ALOX12: variants seen among roughly 807,000 people sequenced by gnomAD.
ALOX12 encodes polyunsaturated fatty acid lipoxygenase ALOX12.
Under a neutral mutation model 85.5 loss-of-function variants are expected in ALOX12, and 62 were observed. That is an observed-to-expected ratio of 0.73 (90% confidence interval 0.59 to 0.90). The LOEUF is 0.90. ALOX12 is among the 40% of genes least tolerant of loss of function. The probability of loss-of-function intolerance (pLI) is 0.00; values close to 1 mark genes in which losing one functional copy is unlikely to be tolerated. For missense variants in ALOX12, 751 were observed against 856.5 expected, an observed-to-expected ratio of 0.88 and a Z score of 1.54; for synonymous variants, 299 against 332.7, an observed-to-expected ratio of 0.90 and a Z score of 1.10.
At chr17:7,001,488 A>T in intron 7 of ALOX12, 114 bp from the exon 8 acceptor site, 1 of 1,126,166 alleles carries the variant, frequency 8.9e-7, no homozygotes, top group Non-Finnish European at 1.3e-6. Context: ...TCCTCCTGCT[A>T]GACTATAACC....
intron 2 of ALOX12, among the ~76,000 whole-genome samples, chr17:6,998,041 T>TA (rs887889976): frequency 2.5e-4 from 36 of 143,638 alleles, no homozygotes; most frequent in East Asian, 1.6e-3. Flanking sequence ...AGATGAGGTT[T>TA]AAAAAAAAAA....
In ALOX12 at chr17:7,000,425, C is replaced by T. The variant is rs757266050; in HGVS notation, c.897C>T (p.Pro299=). ...IRGEKQYLAA[P]LVMLKMEPNG... ...GAGAGAAGCAATACCTGGCTGCCCC[C>T]CTCGTTATGCTGAAGATGGAGCCCA... is the stretch of plus-strand genomic sequence containing the variant. Residue 299 remains proline (P), a synonymous_variant, in exon 7 of 14, where the codon CCC becomes CCT. Coordinates refer to ENST00000251535, the MANE Select transcript of ALOX12 (RefSeq NM_000697.3). This position sits in a 1 kb window ranked among gnomAD's most constrained non-coding sequence, Gnocchi z 4.6. The T allele has an allele frequency of 6.2e-7, 1 of 1,614,116 alleles. No homozygotes were observed. The highest frequency in any genetic ancestry group is 2.2e-5 in the East Asian group (1 of 44,886).
Position 7,000,588 on chromosome 17 carries a change from G to C in ALOX12, c.951+109G>C. 1 of 1,308,668 alleles carries C rather than the reference G, an allele frequency of 7.6e-7. No individual in the cohort carries two copies. The highest frequency in any genetic ancestry group is 1.1e-6 in the Non-Finnish European group (1 of 938,370). The allele number at this position is 1,308,668 out of a possible 1,614,324, so 81.1% of individuals were successfully genotyped here. On this transcript the variant is annotated intron_variant, in intron 7 of 13. Transcript: ENST00000251535. The surrounding 1 kb of genome is among the most constrained non-coding windows in gnomAD (Gnocchi z 4.6). ...CTCCCAAACCCCATCCTCACTCAGT[G>C]AGACTTGTCTTCATGTCACTATTTG...
rs1199175277 is a variant in ALOX12, at chr17:7,004,063, TAAATTTTAATTTATTAAAATTA to T, written c.1162-1180_1162-1159del. Among the ~76,000 whole-genome samples, 257 of 40,056 alleles carry T rather than the reference TAAATTTTAATTTATTAAAATTA, an allele frequency of 6.4e-3. 1 individual carries two copies. Among genetic ancestry groups the T allele is most frequent in the Middle Eastern group, 0.022 (1 of 46 alleles). 26.3% of individuals were successfully genotyped at this position (40,056 alleles called of 152,430 possible). A position where few individuals can be genotyped will look rare whatever the true frequency, so the allele number is the denominator to read the frequency against. The stretch of plus-strand genomic sequence containing the variant: ...AAATATTTTAATATTTTTAATTTAA[TAAATTTTAATTTATTAAAATTA>T]AAATTTTAATTTAATATTAAATTAA... On this transcript the variant is annotated intron_variant, in intron 8 of 13. Transcript: ENST00000251535.
chr17:7,009,016 T>G (rs1909238129), intron 11 of ALOX12, among the ~76,000 whole-genome samples: 1 of 151,790 alleles, frequency 6.6e-6, no homozygotes, highest in Admixed American at 6.6e-5. Context: ...CCTCCCAAAG[T>G]GCTGGGATTA....
Position 7,006,411 on chromosome 17 carries a change from C to A in ALOX12, c.1419-75C>A, listed in dbSNP as rs1466167425. ...TCCCAGATACTGTGGAAGCATTGGGCAGATGCCACAGAAAGAGGAATAGAG... is the reference window on the plus strand; with the variant it reads ...TCCCAGATACTGTGGAAGCATTGGGAAGATGCCACAGAAAGAGGAATAGAG... On this transcript the variant is annotated intron_variant, in intron 10 of 13. Coordinates refer to ENST00000251535, the MANE Select transcript of ALOX12 (RefSeq NM_000697.3). The A allele has an allele frequency of 4.4e-6, 7 of 1,601,234 alleles. No individual in the cohort carries two copies. In the East Asian group the frequency reaches 1.3e-4, roughly 31 times the overall value.
rs770574244 is a variant in ALOX12, at chr17:6,998,958, T to C, written c.548T>C (p.Leu183Pro). The change falls in exon 5 of 14, where the codon CTG becomes CCG. Residue 183 changes from leucine (L) to proline (P), a missense_variant. By Grantham distance (98) the Leu-to-Pro change is moderately conservative. Coordinates refer to ENST00000251535, the MANE Select transcript of ALOX12 (RefSeq NM_000697.3). ...DFEWTLKAGA[L>P]EMALKRVYTL... is the part of the protein sequence containing the mutation. The stretch of plus-strand genomic sequence containing the variant: ...AGCCTCAATACCTGTCCTAGGGCTC[T>C]GGAGATGGCCCTCAAACGTGTTTAC... The C allele has an allele frequency of 8.5e-5, 137 of 1,614,076 alleles. No homozygotes were observed. The highest frequency in any genetic ancestry group is 1.1e-4 in the Non-Finnish European group (128 of 1,180,046).
Position 7,000,582 on chromosome 17 carries a change from C to T in ALOX12, c.951+103C>T. The T allele has an allele frequency of 2.3e-6, 3 of 1,329,362 alleles. No individual in the cohort carries two copies. The highest frequency in any genetic ancestry group is 3.1e-6 in the Non-Finnish European group (3 of 954,752). The allele number at this position is 1,329,362 out of a possible 1,614,324, so 82.3% of individuals were successfully genotyped here. A position where few individuals can be genotyped will look rare whatever the true frequency, so the allele number is the denominator to read the frequency against. ...TCTTGGCTCCCAAACCCCATCCTCA[C>T]TCAGTGAGACTTGTCTTCATGTCAC... is the stretch of plus-strand genomic sequence containing the variant. On this transcript the variant is annotated intron_variant, in intron 7 of 13. Transcript: ENST00000251535. This position sits in a 1 kb window ranked among gnomAD's most constrained non-coding sequence, Gnocchi z 4.6.
At position 7,010,276 on chromosome 17, in the gene ALOX12, C is replaced by G; in HGVS notation, c.1845C>G (p.Phe615Leu). ...VPLGHHKEKY[F>L]SGPKPKAVLN... ...TGGGGCACCACAAAGAAAAATATTT[C>G]TCAGGCCCCAAGCCCAAAGCTGTGC... The change falls in exon 14 of 14, where the codon TTC becomes TTG. Residue 615 changes from phenylalanine to leucine, a missense_variant. Phe to Leu is a conservative substitution (Grantham distance 22). Transcript: ENST00000251535. 6.2e-7 allele frequency: 1 copy of G among 1,614,016 alleles called. No homozygotes were observed. The highest frequency in any genetic ancestry group is 8.5e-7 in the Non-Finnish European group (1 of 1,179,986).
rs1908412388 is a variant in ALOX12 at position 6,996,080 on chromosome 17, G to A, written c.-38G>A. The A allele has an allele frequency of 2.4e-6, 3 of 1,242,318 alleles. No individual in the cohort carries two copies. Among genetic ancestry groups the A allele is most frequent in the Admixed American group, 4.2e-5 (1 of 23,672 alleles). 77.0% of individuals were successfully genotyped at this position (1,242,318 alleles called of 1,614,324 possible). A position where few individuals can be genotyped will look rare whatever the true frequency, so the allele number is the denominator to read the frequency against. ...CCTGGGCGGTCCCGGGAATCGCACA[G>A]GACCCGGCTCCCCTCGCCTAAGCTG... On this transcript the variant is annotated 5_prime_UTR_variant, in exon 1 of 14. Coordinates refer to ENST00000251535, the MANE Select transcript of ALOX12 (RefSeq NM_000697.3).
In ALOX12 at chr17:7,009,844, C is replaced by A. The variant is rs1400321159; in HGVS notation, c.1638C>A (p.Gly546=). Residue 546 remains glycine (G), a synonymous_variant, in exon 12 of 14, where the codon GGC becomes GGA. Transcript: ENST00000251535. ...CCCAGCATGCCGCCATCAACCAGGG[C>A]CAGGTATGGACAGCTGAAAGCCCAG... The part of the protein sequence containing the change: ...CTAQHAAINQ[G]QLDWYAWVPN... 1 of 1,614,146 alleles carries A rather than the reference C, an allele frequency of 6.2e-7. No individual in the cohort carries two copies. Among genetic ancestry groups the A allele is most frequent in the African/African-American group, 1.3e-5 (1 of 75,038 alleles).
intron 11 of ALOX12, among the ~76,000 whole-genome samples, chr17:7,008,484 AT>A (rs1223355574): frequency 4.6e-5 from 7 of 152,170 alleles, no homozygotes; most frequent in Non-Finnish European, 1.5e-5. Flanking sequence ...TGATAAGATT[AT>A]TGGGTCTCCC....
intron 11 of ALOX12, among the ~76,000 whole-genome samples, chr17:7,008,965 C>G (rs989171983): frequency 3.3e-5 from 5 of 151,950 alleles, no homozygotes; most frequent in African/African-American, 7.3e-5. Context: ...GAGACAGGCT[C>G]TTGCTCTGTC....
At chr17:7,008,518 G>A (rs1408505772) in intron 11 of ALOX12, among the ~76,000 whole-genome samples, 1 of 152,088 alleles carries the variant, frequency 6.6e-6, no homozygotes, top group East Asian at 1.9e-4. Context: ...GGCCAAGGTG[G>A]GCAGATCACC....
intron 11 of ALOX12, among the ~76,000 whole-genome samples, chr17:7,007,869 A>G (rs761359203): frequency 5.9e-5 from 9 of 152,150 alleles, no homozygotes; most frequent in Non-Finnish European, 7.4e-5. Flanking sequence ...CAACAGAGCG[A>G]AACTCCGTCT....
rs773041408 is a variant in ALOX12, at chr17:6,999,291, C to T, written c.647-15C>T. 1.2e-6 allele frequency: 2 copies of T among 1,613,974 alleles called. No homozygotes were observed. Among genetic ancestry groups the T allele is most frequent in the African/African-American group, 1.3e-5 (1 of 74,922 alleles). On this transcript the variant is annotated splice_polypyrimidine_tract_variant and intron_variant, in intron 5 of 13. Transcript: ENST00000251535. ...GGCTGTGGTACATATATCCTCCTTT[C>T]ACCGCCCACCAAAGAGAAGGTTCGC...
intron 9 of ALOX12, 78 bp downstream of exon 9, chr17:7,005,421 T>C: frequency 8.3e-7 from 1 of 1,204,592 alleles, no homozygotes; most frequent in Non-Finnish European, 1.2e-6. Flanking sequence ...AGATCAACTA[T>C]GTGTGAATGT....
chr17:7,000,424 C>G lies in ALOX12; in HGVS notation c.896C>G (p.Pro299Arg), dbSNP rs1354298462. ...IRGEKQYLAA[P>R]LVMLKMEPNG... ...GGAGAGAAGCAATACCTGGCTGCCC[C>G]CCTCGTTATGCTGAAGATGGAGCCC... is the stretch of plus-strand genomic sequence containing the variant. Residue 299 changes from proline (P) to arginine (R), a missense_variant, in exon 7 of 14, where the codon CCC becomes CGC. Transcript: ENST00000251535. This position sits in a 1 kb window ranked among gnomAD's most constrained non-coding sequence, Gnocchi z 4.6. 1.2e-6 allele frequency: 2 copies of G among 1,614,092 alleles called. No individual in the cohort carries two copies. The highest frequency in any genetic ancestry group is 2.2e-5 in the East Asian group (1 of 44,882).
chr17:7,004,443 A>G (rs900358086), intron 8 of ALOX12, among the ~76,000 whole-genome samples: 12 of 145,538 alleles, frequency 8.2e-5, no homozygotes, highest in Non-Finnish European at 1.7e-4. Flanking sequence ...ATTAAATTTT[A>G]ATATTTTTAT....
Sources: allele counts gnomAD v4.1 joint callset (sites outside exome capture counted in the v4.1 genomes callset), GRCh38; gene constraint gnomAD v4.1.1; non-coding constraint Gnocchi (gnomAD v3.1); transcripts MANE v1.5; gene names NCBI Gene and HGNC (gene_info 2026-07-23, HGNC 2026-07-21).